Variants in UNKL observed in about 807,000 individuals in gnomAD.
UNKL encodes the protein putative E3 ubiquitin-protein ligase UNKL.
UNKL carries 60 observed loss-of-function variants against 78.0 expected under a neutral mutation model. The observed-to-expected ratio is 0.77, with a 90% CI of 0.63 to 0.95. The LOEUF (loss-of-function observed/expected upper bound fraction) is 0.95. Ranked by LOEUF, UNKL falls within the 40% of genes least tolerant of loss-of-function variation. UNKL has a pLI of 0.00. For synonymous variants in UNKL, 608 were observed against 474.8 expected (o/e 1.28, Z -3.65); for missense variants, 1,159 against 1,045.7 (o/e 1.11, Z -1.49).
intron 12 of UNKL, chr16:1,368,175 TG>T: frequency 2.4e-6 from 1 of 423,822 alleles, no homozygotes; most frequent in South Asian, 3.0e-5. Flanking sequence ...GGAGGGGCAG[TG>T]GTTCTCAGAC....
chr16:1,398,881 G>T, intron 5 of UNKL: 1 of 1,574,652 alleles, frequency 6.4e-7, no homozygotes, highest in East Asian at 2.3e-5. Context: ...CCCTGGGCAG[G>T]GCGACCCTTG....
At chr16:1,383,626 A>G (rs1310975453) in intron 10 of UNKL, 2 of 412,062 alleles carry the variant, frequency 4.9e-6, no homozygotes, top group Admixed American at 2.6e-5. Flanking sequence ...GGCATCGTCT[A>G]GGAGTTGCTG....
intron 1 of UNKL, 144 bp from the exon 2 acceptor site, chr16:1,414,199 C>T (rs938716226): frequency 1.8e-5 from 15 of 815,830 alleles, no homozygotes; most frequent in Middle Eastern, 3.8e-4. Context: ...AGGCGCTGCG[C>T]CCACCCCCAT....
chr16:1,389,484 A>G (rs2142115772), intron 9 of UNKL, among the ~76,000 whole-genome samples: 1 of 152,306 alleles, frequency 6.6e-6, no homozygotes, highest in East Asian at 1.9e-4. Context: ...CTGAAGTGGG[A>G]GGACTGCTTC....
chr16:1,397,985 A>G (rs577269358), intron 5 of UNKL, among the ~76,000 whole-genome samples: 1 of 152,350 alleles, frequency 6.6e-6, no homozygotes, highest in South Asian at 2.1e-4. Flanking sequence ...GGATGGGGTC[A>G]GGAGCCCCGG....
intron 10 of UNKL, among the ~76,000 whole-genome samples, chr16:1,376,864 C>A (rs2036268251): frequency 6.6e-6 from 1 of 152,070 alleles, no homozygotes; most frequent in Admixed American, 6.5e-5. Context: ...TAAAAGTTAC[C>A]TGCGCAAATG....
At chr16:1,402,254 G>A (rs1220893773) in intron 3 of UNKL, among the ~76,000 whole-genome samples, 6 of 70,488 alleles carry the variant, frequency 8.5e-5, no homozygotes, top group Non-Finnish European at 1.5e-4. Flanking sequence ...ACTGTGTGCT[G>A]AGTTCGTTCT....
intron 3 of UNKL, among the ~76,000 whole-genome samples, chr16:1,402,030 T>C (rs990973737): frequency 3.9e-5 from 6 of 152,220 alleles, no homozygotes; most frequent in Non-Finnish European, 8.8e-5. Flanking sequence ...CCCAGAGCAC[T>C]GGGATTACAT....
chr16:1,412,564 C>T (rs1382481329), intron 2 of UNKL, among the ~76,000 whole-genome samples: 3 of 152,228 alleles, frequency 2.0e-5, no homozygotes, highest in Non-Finnish European at 4.4e-5. Flanking sequence ...GAGCCAAGAT[C>T]AAGTCACTGC....
intron 6 of UNKL, chr16:1,395,670 TTATC>T (rs560714326): frequency 6.6e-6 from 3 of 455,930 alleles, no homozygotes; most frequent in South Asian, 3.1e-5. Context: ...GCGGGAGGGT[TTATC>T]TCCCTCAGGA....
rs369097243 is a variant in UNKL at position 1,389,061 on chromosome 16, G to A, written c.1086+1571C>T. Among the ~76,000 whole-genome samples, 84 of 149,822 alleles carry A rather than the reference G, an allele frequency of 5.6e-4. 1 individual carries two copies. The East Asian group carries it at 0.013, about 24-fold the overall frequency. On this transcript the variant is annotated intron_variant, in intron 9 of 14. Transcript: ENST00000389221. ...CCGTGAACACTTGCCCCCTCCCCCGGCCCCGGCCCCGGCCCCCACCATGCC... is the reference window on the plus strand; with the variant it reads ...CCGTGAACACTTGCCCCCTCCCCCGACCCCGGCCCCGGCCCCCACCATGCC...
chr16:1,413,375 C>A (rs2038133640), intron 2 of UNKL, among the ~76,000 whole-genome samples: 1 of 151,714 alleles, frequency 6.6e-6, no homozygotes, highest in Non-Finnish European at 1.5e-5. Context: ...TCGAGACAAG[C>A]CTAACCAACA....
At chr16:1,412,024 C>G (rs185626779) in intron 2 of UNKL, 1 of 152,288 alleles carries the variant, frequency 6.6e-6, no homozygotes, top group East Asian at 1.9e-4. Flanking sequence ...AGAATCAGCT[C>G]CTTCCAAAAG....
chr16:1,363,261 G>A lies in UNKL; in HGVS notation c.*2979C>T. ...TGATAAAAATAACTCCATGAATTCT[G>A]TAAACCATTGCATAAATGCTATAGT... On this transcript the variant is annotated 3_prime_UTR_variant, in exon 15 of 15. Coordinates refer to ENST00000389221, the MANE Select transcript of UNKL (RefSeq NM_001372107.1). 3.0e-6 allele frequency: 2 copies of A among 671,828 alleles called. No homozygotes were observed. Among genetic ancestry groups the A allele is most frequent in the South Asian group, 1.6e-5 (1 of 61,618 alleles). 41.6% of individuals were successfully genotyped at this position (671,828 alleles called of 1,614,324 possible). A position where few individuals can be genotyped will look rare whatever the true frequency, so the allele number is the denominator to read the frequency against.
At chr16:1,391,614 C>T (rs886807511) in intron 8 of UNKL, among the ~76,000 whole-genome samples, 3 of 151,380 alleles carry the variant, frequency 2.0e-5, no homozygotes, top group Non-Finnish European at 4.4e-5. Context: ...TGCCAAATCT[C>T]GAAGGTCTCA....
At chr16:1,379,311 C>G (rs975589085) in intron 10 of UNKL, 19 of 254,240 alleles carry the variant, frequency 7.5e-5, no homozygotes, top group African/African-American at 3.7e-4. Flanking sequence ...CTCTCCTGCC[C>G]CGCTCCGCTC....
rs1329757097 is a variant in UNKL, at chr16:1,399,252, C to T, written c.734+122G>A. 21 of 1,393,250 alleles carry T rather than the reference C, an allele frequency of 1.5e-5. No individual in the cohort carries two copies. Among genetic ancestry groups the T allele is most frequent in the Admixed American group, 8.8e-5 (3 of 34,020 alleles). 86.3% of individuals were successfully genotyped at this position (1,393,250 alleles called of 1,614,324 possible). A position where few individuals can be genotyped will look rare whatever the true frequency, so the allele number is the denominator to read the frequency against. On this transcript the variant is annotated intron_variant, in intron 5 of 14. Coordinates refer to ENST00000389221, the MANE Select transcript of UNKL (RefSeq NM_001372107.1). This position sits in a 1 kb window ranked among gnomAD's most constrained non-coding sequence, Gnocchi z 5.8. ...TGTGCTTGGAGATGCCCTCCCCTCC[C>T]GGGGATGATGGTGCCACAAGGGCAG...
In UNKL at chr16:1,375,719, C is replaced by T. The variant is rs551659801; in HGVS notation, c.1265-4108G>A. Among the ~76,000 whole-genome samples the T allele has an allele frequency of 2.6e-5, 4 of 152,344 alleles. No homozygotes were observed. The East Asian group carries it at 7.7e-4, about 29-fold the overall frequency. Reference sequence around the variant, plus strand: ...GGGGACCAGGAACCCACAGTAGCATCCGAAAATGCCTCAGCCCTCAAGGAT... The same window carrying T: ...GGGGACCAGGAACCCACAGTAGCATTCGAAAATGCCTCAGCCCTCAAGGAT... On this transcript the variant is annotated intron_variant, in intron 10 of 14. Coordinates refer to ENST00000389221, the MANE Select transcript of UNKL (RefSeq NM_001372107.1).
chr16:1,395,866 T>G (rs2037238046), intron 6 of UNKL: 1 of 424,932 alleles, frequency 2.4e-6, no homozygotes, highest in Admixed American at 2.5e-5. Flanking sequence ...ATGATGCGCG[T>G]CTGTGACAAC....
Sources: allele counts gnomAD v4.1 joint callset (sites outside exome capture counted in the v4.1 genomes callset), GRCh38; gene constraint gnomAD v4.1.1; non-coding constraint Gnocchi (gnomAD v3.1); transcripts MANE v1.5; gene names NCBI Gene and HGNC (gene_info 2026-07-23, HGNC 2026-07-21).